ZFHX3: variants seen among roughly 807,000 people sequenced by gnomAD.
The protein encoded by ZFHX3 is zinc finger homeobox protein 3.
In ZFHX3, 42 loss-of-function variants were observed where a neutral mutation model predicts 279.1. The observed-to-expected ratio is 0.15, with a 90% CI of 0.12 to 0.19. ZFHX3 has a LOEUF of 0.19. Among genes scored for constraint, ZFHX3 ranks in the 10% least tolerant of loss-of-function variants. The pLI, the probability that ZFHX3 is intolerant of heterozygous loss-of-function variation, is 1.00. For missense variants in ZFHX3, 4,981 were observed against 4,754.0 expected (o/e 1.05, Z -1.40); for synonymous variants, 2,293 against 1,957.8 (o/e 1.17, Z -4.52).
At chr16:73,370,392 G>A (rs1430010634) in intron 3 of ZFHX3, among the ~76,000 whole-genome samples, 1 of 152,154 alleles carries the variant, frequency 6.6e-6, no homozygotes, top group Non-Finnish European at 1.5e-5. Flanking sequence ...ATGAAGGTTC[G>A]AGCATATGGG....
intron 7 of ZFHX3, among the ~76,000 whole-genome samples, chr16:73,118,024 C>T (rs1215620792): frequency 1.3e-5 from 2 of 152,200 alleles, no homozygotes; most frequent in Admixed American, 6.5e-5. Flanking sequence ...CTAACTAAGA[C>T]ACCCCCAAAA....
intron 3 of ZFHX3, among the ~76,000 whole-genome samples, chr16:73,390,689 C>T (rs942889065): frequency 2.6e-5 from 4 of 151,910 alleles, no homozygotes; most frequent in East Asian, 3.9e-4. Flanking sequence ...TCCATGAGAC[C>T]GTAACAAAGG....
At chr16:73,172,522 G>A (rs1274135584) in intron 5 of ZFHX3, among the ~76,000 whole-genome samples, 1 of 152,220 alleles carries the variant, frequency 6.6e-6, no homozygotes, top group East Asian at 1.9e-4. Flanking sequence ...CTCTCCTGTG[G>A]GCAGTCTCTT....
At chr16:73,361,087 A>T (rs2016426703) in intron 3 of ZFHX3, among the ~76,000 whole-genome samples, 2 of 152,256 alleles carry the variant, frequency 1.3e-5, no homozygotes, top group Admixed American at 1.3e-4. Context: ...GGAAAGTGTC[A>T]GCAAATGCCA....
chr16:73,201,250 A>G (rs918606826), intron 5 of ZFHX3, among the ~76,000 whole-genome samples: 52 of 152,320 alleles, frequency 3.4e-4, no homozygotes, highest in Non-Finnish European at 5.9e-5. Context: ...TTGGGCTGCC[A>G]GGGGCTACCA....
At chr16:73,579,181 C>G (rs1289632569) in intron 2 of ZFHX3, among the ~76,000 whole-genome samples, 1 of 152,212 alleles carries the variant, frequency 6.6e-6, no homozygotes, top group Non-Finnish European at 1.5e-5. Flanking sequence ...AATTGCCAAT[C>G]AGAAAATCTC....
chr16:72,967,195 G>A (rs1301625875), intron 1 of ZFHX3, among the ~76,000 whole-genome samples: 2 of 152,156 alleles, frequency 1.3e-5, no homozygotes, highest in Non-Finnish European at 1.5e-5. Flanking sequence ...AGACGTGTCT[G>A]GTGTAACCAT....
chr16:73,875,823 A>G (rs2029929484), intron 1 of ZFHX3, among the ~76,000 whole-genome samples: 1 of 152,232 alleles, frequency 6.6e-6, no homozygotes. Context: ...CACACCATTA[A>G]TCATCAATGA....
intron 7 of ZFHX3, among the ~76,000 whole-genome samples, chr16:73,124,119 T>C (rs980527009): frequency 6.6e-6 from 1 of 152,182 alleles, no homozygotes; most frequent in African/African-American, 2.4e-5. Flanking sequence ...TACAACCTTG[T>C]ATAGGAGAGC....
intron 7 of ZFHX3, among the ~76,000 whole-genome samples, chr16:72,804,334 C>G (rs538318170): frequency 4.2e-4 from 64 of 152,350 alleles, no homozygotes; most frequent in African/African-American, 1.5e-3. Context: ...ACAAAAGTTC[C>G]TGTCTCCAAA....
intron 2 of ZFHX3, among the ~76,000 whole-genome samples, chr16:73,625,869 G>A (rs2052410350): frequency 6.6e-6 from 1 of 151,962 alleles, no homozygotes; most frequent in Non-Finnish European, 1.5e-5. Flanking sequence ...TTTTGTTTTT[G>A]TTTTTTGAGA....
intron 3 of ZFHX3, among the ~76,000 whole-genome samples, chr16:73,344,565 G>A (rs145073687): frequency 6.6e-6 from 1 of 152,306 alleles, no homozygotes; most frequent in East Asian, 1.9e-4. Flanking sequence ...TTAGATAATT[G>A]TACTGTGATT....
intron 1 of ZFHX3, among the ~76,000 whole-genome samples, chr16:73,685,838 C>A (rs563239827): frequency 2.0e-5 from 3 of 152,194 alleles, no homozygotes; most frequent in Admixed American, 1.3e-4. Flanking sequence ...TATGAGCACC[C>A]GACAATGTGA....
chr16:73,218,559 A>T (rs2012295038), intron 5 of ZFHX3, among the ~76,000 whole-genome samples: 1 of 152,206 alleles, frequency 6.6e-6, no homozygotes, highest in Non-Finnish European at 1.5e-5. Flanking sequence ...ACTTGAGGTC[A>T]AGAGTTCGAG....
intron 1 of ZFHX3, among the ~76,000 whole-genome samples, chr16:73,712,307 T>C (rs1241235776): frequency 6.6e-6 from 1 of 152,184 alleles, no homozygotes; most frequent in African/African-American, 2.4e-5. Context: ...CCTCGTCAGA[T>C]GTCCAAGCTG....
At chr16:73,838,751 CGTGT>C (rs890687442) in intron 1 of ZFHX3, among the ~76,000 whole-genome samples, 35 of 139,708 alleles carry the variant, frequency 2.5e-4, no homozygotes, top group South Asian at 2.3e-3. Context: ...TGCGCACATG[CGTGT>C]GTGTGTCTGT....
At chr16:73,802,652 C>G (rs1960176626) in intron 1 of ZFHX3, among the ~76,000 whole-genome samples, 1 of 152,090 alleles carries the variant, frequency 6.6e-6, no homozygotes, top group South Asian at 2.1e-4. Flanking sequence ...GCACAAAGTA[C>G]TAGAAATGGA....
intron 1 of ZFHX3, among the ~76,000 whole-genome samples, chr16:73,773,459 G>A (rs1417745100): frequency 6.6e-6 from 1 of 152,228 alleles, no homozygotes; most frequent in Non-Finnish European, 1.5e-5. Context: ...CTCCCAGTAT[G>A]AGCCAGGCCC....
intron 5 of ZFHX3, among the ~76,000 whole-genome samples, chr16:73,145,900 T>C (rs1371013929): frequency 6.6e-6 from 1 of 152,240 alleles, no homozygotes; most frequent in Non-Finnish European, 1.5e-5. Flanking sequence ...CAATGTGTTC[T>C]GGAAGAGATT....
Sources: gnomAD v4.1 joint callset for allele counts (sites outside exome capture counted in the v4.1 genomes callset) on GRCh38, gnomAD v4.1.1 for gene constraint, MANE v1.5 for transcripts, NCBI Gene and HGNC (gene_info 2026-07-23, HGNC 2026-07-21) for gene names.